The following FAM241A variants were observed in gnomAD, a reference collection of about 807,000 sequenced individuals.
FAM241A encodes the protein uncharacterized protein FAM241A.
A neutral mutation model predicts 12.2 loss-of-function variants in FAM241A; 7 were observed. That is an observed-to-expected ratio of 0.58 (90% CI 0.33 to 1.08). The LOEUF is 1.08. FAM241A is among the 50% of genes least tolerant of loss of function. The pLI is 0.04. For synonymous variants in FAM241A, 74 were observed against 68.2 expected (o/e 1.08, Z -0.42); for missense variants, 161 against 169.7 (o/e 0.95, Z 0.29).
At chr4:112,150,829 G>A (rs1326186671) in intron 1 of FAM241A, among the ~76,000 whole-genome samples, 1 of 152,148 alleles carries the variant, frequency 6.6e-6, no homozygotes, top group African/African-American at 2.4e-5. Context: ...CAACTTCATA[G>A]GATTATTGGA....
intron 1 of FAM241A, among the ~76,000 whole-genome samples, chr4:112,172,670 C>T (rs1227505171): frequency 6.6e-6 from 1 of 152,136 alleles, no homozygotes; most frequent in Non-Finnish European, 1.5e-5. Context: ...TTAACCTCCA[C>T]ACTAGATTGT....
chr4:112,185,509 C>T (rs1472377978), intron 1 of FAM241A, among the ~76,000 whole-genome samples: 1 of 152,172 alleles, frequency 6.6e-6, no homozygotes, highest in Non-Finnish European at 1.5e-5. Flanking sequence ...AAAACCACTG[C>T]ACTAAAATAT....
chr4:112,158,550 G>A (rs1421957646), intron 1 of FAM241A, among the ~76,000 whole-genome samples: 1 of 152,088 alleles, frequency 6.6e-6, no homozygotes, highest in Non-Finnish European at 1.5e-5. Context: ...ATCTTGTGTT[G>A]TAGTAGGGAA....
chr4:112,168,946 T>A (rs552751308), intron 1 of FAM241A, among the ~76,000 whole-genome samples: 1 of 152,304 alleles, frequency 6.6e-6, no homozygotes, highest in Non-Finnish European at 1.5e-5. Flanking sequence ...ATTACAGGCG[T>A]GAGCCATGGC....
At chr4:112,169,082 G>A (rs937657050) in intron 1 of FAM241A, among the ~76,000 whole-genome samples, 1 of 152,100 alleles carries the variant, frequency 6.6e-6, no homozygotes, top group Admixed American at 6.6e-5. Flanking sequence ...CTTGGGCTAG[G>A]TACAAACTTA....
rs1724095341 is a variant in FAM241A at position 112,188,692 on chromosome 4, T to A, written c.*1754T>A. Reference sequence around the variant, plus strand: ...ATATCTACATAAAATATCAGTACATTTTTTTCTAATGCTACTGGAAATTTT... The same window carrying A: ...ATATCTACATAAAATATCAGTACATATTTTTCTAATGCTACTGGAAATTTT... On this transcript the variant is annotated 3_prime_UTR_variant, in exon 2 of 2. Transcript: ENST00000309733. 2 of 152,228 alleles carry A rather than the reference T, an allele frequency of 1.3e-5. No individual in the cohort carries two copies. Among genetic ancestry groups the A allele is most frequent in the African/African-American group, 4.8e-5 (2 of 41,552 alleles). 9.4% of individuals were successfully genotyped at this position (152,228 alleles called of 1,614,324 possible).
At chr4:112,176,480 CGG>C (rs961685539) in intron 1 of FAM241A, among the ~76,000 whole-genome samples, 19 of 152,320 alleles carry the variant, frequency 1.2e-4, no homozygotes, top group South Asian at 1.2e-3. Context: ...TGATACATGA[CGG>C]AGCAGGATTT....
In FAM241A at chr4:112,194,559, G is replaced by C. The variant is rs1450937885; in HGVS notation, c.*7621G>C. The C allele has an allele frequency of 6.6e-6, 1 of 152,040 alleles. No homozygotes were observed. Among genetic ancestry groups the C allele is most frequent in the East Asian group, 1.9e-4 (1 of 5,186 alleles). 9.4% of individuals were successfully genotyped at this position (152,040 alleles called of 1,614,324 possible). ...ATTTATTGAGAGTTTTTAGCATGAA[G>C]CGTTGTTGAATTTTGTCAAAGGCCT... On this transcript the variant is annotated 3_prime_UTR_variant, in exon 2 of 2. Transcript: ENST00000309733.
intron 1 of FAM241A, among the ~76,000 whole-genome samples, chr4:112,163,005 C>T (rs917852431): frequency 2.0e-5 from 3 of 152,156 alleles, no homozygotes; most frequent in African/African-American, 7.2e-5. Context: ...AATAATACCA[C>T]ACATCTACAA....
At chr4:112,160,354 A>G (rs1305378506) in intron 1 of FAM241A, among the ~76,000 whole-genome samples, 1 of 151,680 alleles carries the variant, frequency 6.6e-6, no homozygotes, top group African/African-American at 2.4e-5. Flanking sequence ...GCAGTGAGCC[A>G]AGATCACACC....
At chr4:112,184,700 A>G (rs2110435650) in intron 1 of FAM241A, among the ~76,000 whole-genome samples, 1 of 152,314 alleles carries the variant, frequency 6.6e-6, no homozygotes, top group South Asian at 2.1e-4. Flanking sequence ...CATTTCTTAA[A>G]GTCATACTGA....
intron 1 of FAM241A, among the ~76,000 whole-genome samples, chr4:112,158,171 C>T (rs527819465): frequency 6.6e-5 from 10 of 151,746 alleles, no homozygotes; most frequent in Non-Finnish European, 1.5e-4. Context: ...ATGATTCTGC[C>T]ATTTCTGGAT....
chr4:112,146,245 G>A (rs1723135109), intron 1 of FAM241A, among the ~76,000 whole-genome samples: 1 of 152,116 alleles, frequency 6.6e-6, no homozygotes, highest in African/African-American at 2.4e-5. Flanking sequence ...AGTAGGAGCG[G>A]GTGTTACAAT....
chr4:112,167,263 A>G (rs1723619186), intron 1 of FAM241A, among the ~76,000 whole-genome samples: 1 of 152,210 alleles, frequency 6.6e-6, no homozygotes, highest in South Asian at 2.1e-4. Flanking sequence ...AGAAGAGAAC[A>G]TAAAGTAAAA....
At chr4:112,160,799 C>T (rs1723448721) in intron 1 of FAM241A, among the ~76,000 whole-genome samples, 1 of 152,064 alleles carries the variant, frequency 6.6e-6, no homozygotes, top group African/African-American at 2.4e-5. Flanking sequence ...AGAATATACA[C>T]TAGGGAAAAG....
intron 1 of FAM241A, among the ~76,000 whole-genome samples, chr4:112,170,419 A>AATT (rs1307888873): frequency 1.3e-5 from 2 of 152,218 alleles, no homozygotes; most frequent in African/African-American, 4.8e-5. Flanking sequence ...AATAAGAATA[A>AATT]ATTAGAACAA....
intron 1 of FAM241A, among the ~76,000 whole-genome samples, chr4:112,184,969 G>A (rs989387372): frequency 2.2e-4 from 33 of 152,152 alleles, no homozygotes; most frequent in Middle Eastern, 6.8e-3. Context: ...TTGGCTGTTT[G>A]TGGCAGATGA....
At chr4:112,147,386 G>A (rs1005949110) in intron 1 of FAM241A, among the ~76,000 whole-genome samples, 2 of 152,190 alleles carry the variant, frequency 1.3e-5, no homozygotes, top group African/African-American at 4.8e-5. Flanking sequence ...TCACACCGGA[G>A]ATAGGCATTT....
chr4:112,195,128 G>A lies in FAM241A; in HGVS notation c.*8190G>A, dbSNP rs1242277624. 4 of 152,212 alleles carry A rather than the reference G, an allele frequency of 2.6e-5. No homozygotes were observed. Among genetic ancestry groups the A allele is most frequent in the Admixed American group, 6.5e-5 (1 of 15,284 alleles). 9.4% of individuals were successfully genotyped at this position (152,212 alleles called of 1,614,324 possible). A position where few individuals can be genotyped will look rare whatever the true frequency, so the allele number is the denominator to read the frequency against. ...CTTTTTTGTGAGCAGAAATTCTCAA[G>A]TATCGAAGCGTGGTGTTTTAGGCTC... On this transcript the variant is annotated 3_prime_UTR_variant, in exon 2 of 2. Coordinates refer to ENST00000309733, the MANE Select transcript of FAM241A (RefSeq NM_152400.3).
Sources: gnomAD v4.1 joint callset for allele counts (sites outside exome capture counted in the v4.1 genomes callset) on GRCh38, gnomAD v4.1.1 for gene constraint, MANE v1.5 for transcripts, NCBI Gene and HGNC (gene_info 2026-07-23, HGNC 2026-07-21) for gene names.